MEFV: variants seen among roughly 807,000 people sequenced by gnomAD.
The protein encoded by MEFV is pyrin.
Under a neutral mutation model 62.5 loss-of-function variants are expected in MEFV, and 60 were observed. The ratio of observed to expected loss-of-function variants is 0.96; its 90% CI spans 0.78 to 1.19. The LOEUF (loss-of-function observed/expected upper bound fraction) is 1.19, where lower values mean the gene tolerates loss of function less well. MEFV is among the 50% of genes most tolerant of loss of function. The pLI is 0.00. For missense variants in MEFV, 1,169 were observed against 1,004.5 expected (o/e 1.16, Z -2.21); for synonymous variants, 500 against 415.2 (o/e 1.20, Z -2.48).
Position 3,249,667 on chromosome 16 carries a change from G to A in MEFV, c.1024C>T (p.Pro342Ser), listed in dbSNP as rs774397209. The A allele has an allele frequency of 1.9e-6, 3 of 1,613,102 alleles. No homozygotes were observed. The highest frequency in any genetic ancestry group is 2.5e-6 in the Non-Finnish European group (3 of 1,179,404). ...GGTGAGCGGCTGCCTGAGGCCTGGG[G>A]GTGCCCAGAAACTGCCTCGGGGAAG... is the stretch of plus-strand genomic sequence containing the variant. ...CSFPEAVSGH[P>S]QASGSRSPGC... Residue 342 changes from proline to serine, a missense_variant, in exon 3 of 10, where the codon CCC (proline) becomes TCC (serine). By Grantham distance (74) the Pro-to-Ser change is moderately conservative (BLOSUM62 -1). Coordinates refer to ENST00000219596, the MANE Select transcript of MEFV (RefSeq NM_000243.3).
chr16:3,250,369 G>A lies in MEFV; in HGVS notation c.911-589C>T, dbSNP rs1374935661. Among the ~76,000 whole-genome samples, 4 of 152,214 alleles carry A rather than the reference G, an allele frequency of 2.6e-5. No individual in the cohort carries two copies. In the East Asian group the frequency reaches 7.7e-4, roughly 29 times the overall value. On this transcript the variant is annotated intron_variant, in intron 2 of 9. Coordinates refer to ENST00000219596, the MANE Select transcript of MEFV (RefSeq NM_000243.3). Reference sequence around the variant, plus strand: ...CATGCCTATAATCCCAGTGCTTTGGGAGGCCAAGGTGGGAGGACTGCTTAA... The same window carrying A: ...CATGCCTATAATCCCAGTGCTTTGGAAGGCCAAGGTGGGAGGACTGCTTAA...
At chr16:3,251,957 C>A in intron 2 of MEFV, 1 of 423,152 alleles carries the variant, frequency 2.4e-6, no homozygotes, top group South Asian at 1.7e-5. Flanking sequence ...TGGTGCACAC[C>A]TGTAATCCCA....
In MEFV at chr16:3,254,497, A is replaced by AGGGGCC. The variant is rs761993422; in HGVS notation, c.565_570dup (p.Gly189_Pro190dup). ...GCCTGGCCCCCCTCTAGCGCCCTGC[A>AGGGGCC]GGGGCCGGGGCTTCTCCCGCCCGGC... On this transcript the variant is annotated inframe_insertion, in exon 2 of 10. Transcript: ENST00000219596. 51 of 1,576,172 alleles carry AGGGGCC rather than the reference A, an allele frequency of 3.2e-5. No individual in the cohort carries two copies. The African/African-American group carries it at 5.7e-4, about 18-fold the overall frequency.
At position 3,256,331 on chromosome 16, in the gene MEFV, A is replaced by G. The variant is rs760507030; in HGVS notation, c.257T>C (p.Leu86Pro). The G allele has an allele frequency of 1.2e-6, 2 of 1,613,844 alleles. No homozygotes were observed. The highest frequency in any genetic ancestry group is 1.7e-6 in the Non-Finnish European group (2 of 1,180,000). Residue 86 changes from leucine (L) to proline (P), a missense_variant, in exon 1 of 10, where the codon CTC (leucine) becomes CCC (proline). By Grantham distance (98) the Leu-to-Pro change is moderately conservative (BLOSUM62 -3). Transcript: ENST00000219596. ...AINQRLLAEE[L>P]HRAAIQEYST... ...CTTACCCTGAATGGCTGCCCTGTGG[A>G]GCTCCTCGGCCAGCAGGCGCTGGTT...
At chr16:3,247,629 G>T in intron 4 of MEFV, 1 of 230,918 alleles carries the variant, frequency 4.3e-6, no homozygotes, top group Non-Finnish European at 8.7e-6. Context: ...TATAAATGTT[G>T]TCTTATAAAA....
In MEFV at chr16:3,249,611, T is replaced by G; in HGVS notation, c.1080A>C (p.Glu360Asp). The G allele has an allele frequency of 1.2e-6, 2 of 1,614,116 alleles. No individual in the cohort carries two copies. Among genetic ancestry groups the G allele is most frequent in the Non-Finnish European group, 1.7e-6 (2 of 1,179,994 alleles). The change falls in exon 3 of 10, where the codon GAA becomes GAC. Residue 360 changes from glutamate (E) to aspartate (D), a missense_variant. Coordinates refer to ENST00000219596, the MANE Select transcript of MEFV (RefSeq NM_000243.3). Reference protein sequence around the residue: ...PGCPRCQDSHERKSPGSLSPQ... With the variant: ...PGCPRCQDSHDRKSPGSLSPQ... ...GGCTTAGGCTTCCCGGGCTCTTCCT[T>G]TCATGGGAGTCCTGGCACCGGGGGC...
Position 3,247,224 on chromosome 16 carries a change from T to G in MEFV, c.1379A>C (p.Gln460Pro). The G allele has an allele frequency of 6.2e-7, 1 of 1,614,180 alleles. No individual in the cohort carries two copies. Among genetic ancestry groups the G allele is most frequent in the Non-Finnish European group, 8.5e-7 (1 of 1,180,032 alleles). ...SFLKQTEALK[Q>P]RVQRKLEQVY... is the part of the protein sequence containing the mutation. ...CTGCTCCAGCTTCCTCTGCACCCGC[T>G]GCTTCAGCGCTTCAGTTTGTTTCTG... The change falls in exon 5 of 10, where the codon CAG (glutamine) becomes CCG (proline). Residue 460 changes from glutamine (Q) to proline (P), a missense_variant. Transcript: ENST00000219596.
rs952604863 is a variant in MEFV at position 3,244,518 on chromosome 16, G to A, written c.1681C>T (p.His561Tyr). The change falls in exon 7 of 10, where the codon CAC (histidine) becomes TAC (tyrosine). Residue 561 changes from histidine (H) to tyrosine (Y), a missense_variant. Transcript: ENST00000219596. ...TTCTCCACAAACTCTGACTTCTGGT[G>A]GAGGAGTTGGATCTTTTGTTTTATC... ...QEIKQKIQLL[H>Y]QKSEFVEKST... The A allele has an allele frequency of 9.9e-6, 16 of 1,614,054 alleles. No individual in the cohort carries two copies. Among genetic ancestry groups the A allele is most frequent in the Non-Finnish European group, 1.4e-5 (16 of 1,180,040 alleles).
chr16:3,248,277 CAG>C (rs1958975113), intron 4 of MEFV, among the ~76,000 whole-genome samples: 1 of 149,978 alleles, frequency 6.7e-6, no homozygotes, highest in African/African-American at 2.5e-5. Flanking sequence ...AACAAAAAAA[CAG>C]AGAGTAAATT....
At position 3,254,757 on chromosome 16, in the gene MEFV, G is replaced by C. The variant is rs151306047; in HGVS notation, c.311C>G (p.Ser104Cys). Residue 104 changes from serine to cysteine, a missense_variant, in exon 2 of 10, where the codon TCC becomes TGC. By Grantham distance (112) the Ser-to-Cys change is moderately radical (BLOSUM62 -1). Coordinates refer to ENST00000219596, the MANE Select transcript of MEFV (RefSeq NM_000243.3). ...CTCCCCCAGGGAGCTGGACGCTGCG[G>C]AATCATCTGTGCCGTTTTCTTGTGT... Reference protein sequence around the residue: ...YSTQENGTDDSAASSSLGENK... With the variant: ...YSTQENGTDDCAASSSLGENK... The C allele has an allele frequency of 3.7e-6, 6 of 1,612,628 alleles. No homozygotes were observed. In the African/African-American group the frequency reaches 8.0e-5, roughly 22 times the overall value.
At chr16:3,255,535 G>A (rs1046890203) in intron 1 of MEFV, among the ~76,000 whole-genome samples, 1 of 151,722 alleles carries the variant, frequency 6.6e-6, no homozygotes, top group African/African-American at 2.4e-5. Context: ...TTTTTCAATA[G>A]CTGAAAATAC....
rs1238009232 is a variant in MEFV at position 3,246,519 on chromosome 16, C to CAGGT, written c.1610+5_1610+6insACCT. On this transcript the variant is annotated splice_donor_region_variant and intron_variant, in intron 6 of 9. Transcript: ENST00000219596. ...CCCCAGGGTACACCACAGGACCTCG[C>CAGGT]TGTACCTGTGCAAGATGTCTCCAAT... The CAGGT allele has an allele frequency of 6.2e-7, 1 of 1,614,114 alleles. No homozygotes were observed. Among genetic ancestry groups the CAGGT allele is most frequent in the Admixed American group, 1.7e-5 (1 of 60,010 alleles).
intron 1 of MEFV, 59 bp downstream of exon 1, chr16:3,256,252 T>C: frequency 6.3e-7 from 1 of 1,586,736 alleles, no homozygotes; most frequent in South Asian, 1.1e-5. Context: ...CCTGGTCCCC[T>C]TTCCCACAAA....
intron 6 of MEFV, 92 bp downstream of exon 6, chr16:3,246,433 G>T: frequency 6.8e-7 from 1 of 1,479,042 alleles, no homozygotes; most frequent in Non-Finnish European, 9.4e-7. Flanking sequence ...CCCGGGGTTG[G>T]GAACATCTCC....
chr16:3,244,068 C>G (rs538863514), intron 8 of MEFV, 176 bp from the exon 9 acceptor site: 2 of 1,551,588 alleles, frequency 1.3e-6, no homozygotes, highest in Admixed American at 3.9e-5. Context: ...GGACTGTGGT[C>G]TAATGAGTCA....
Position 3,247,115 on chromosome 16 carries a change from C to T in MEFV, c.1488G>A (p.Lys496=), listed in dbSNP as rs537760964. Residue 496 remains lysine (K), a synonymous_variant, in exon 5 of 10, where the codon AAG becomes AAA. Transcript: ENST00000219596. ...CCTGGGATACGCGGGTGTCATATGC[C>T]TTCCTGATCTGCCCAACCATCTGGC... The part of the protein sequence containing the change: ...DVGQMVGQIR[K]AYDTRVSQDI... 6 of 1,614,228 alleles carry T rather than the reference C, an allele frequency of 3.7e-6. No individual in the cohort carries two copies. In the African/African-American group the frequency reaches 6.7e-5, roughly 18 times the overall value.
chr16:3,248,757 C>T, intron 4 of MEFV, 152 bp downstream of exon 4: 2 of 1,547,560 alleles, frequency 1.3e-6, no homozygotes. Context: ...CAGGGATGAG[C>T]TTACCCTTGG....
Position 3,245,932 on chromosome 16 carries a change from G to T in MEFV, c.1610+593C>A, listed in dbSNP as rs141672407. 3.6e-3 allele frequency among the ~76,000 whole-genome samples: 547 copies of T among 152,308 alleles called. 3 individuals are homozygous for T. The highest frequency in any genetic ancestry group is 0.011 in the African/African-American group (460 of 41,548). On this transcript the variant is annotated intron_variant, in intron 6 of 9. Transcript: ENST00000219596. ...AGTTAGAAGAAGTCCCGATATCCAT[G>T]AATGGATAAGCAAAATGTATGAACA...
chr16:3,246,496 C>G (rs1159171813), intron 6 of MEFV, 29 bp downstream of exon 6: 3 of 1,613,972 alleles, frequency 1.9e-6, no homozygotes, highest in Non-Finnish European at 2.5e-6. Flanking sequence ...GCAAGACACC[C>G]CAGGGTACAC....
Sources: gnomAD v4.1 joint callset for allele counts (sites outside exome capture counted in the v4.1 genomes callset) on GRCh38, gnomAD v4.1.1 for gene constraint, MANE v1.5 for transcripts, NCBI Gene and HGNC (gene_info 2026-07-23, HGNC 2026-07-21) for gene names.